KIAA0319: variants seen among roughly 807,000 people sequenced by gnomAD.
KIAA0319 encodes dyslexia-associated protein KIAA0319.
In KIAA0319, 83 loss-of-function variants were observed where a neutral mutation model predicts 108.4. The observed-to-expected ratio is 0.77, with a 90% CI of 0.64 to 0.92. The LOEUF (loss-of-function observed/expected upper bound fraction) is 0.92. Among genes scored for constraint, KIAA0319 ranks in the 40% least tolerant of loss-of-function variants. The pLI is 0.00. For synonymous variants in KIAA0319, 484 were observed against 510.4 expected, an observed-to-expected ratio of 0.95 and a Z score of 0.70; for missense variants, 1,195 against 1,322.4, an observed-to-expected ratio of 0.90 and a Z score of 1.49.
chr6:24,572,723 A>C lies in KIAA0319; in HGVS notation c.1735-25T>G, dbSNP rs3747777. The C allele has an allele frequency of 3.7e-3, 5,929 of 1,581,196 alleles. 78 individuals carry two copies. The African/African-American group carries it at 0.038, about 10-fold the overall frequency. ...CCTAAGTAATAGCAAATACAAAAAT[A>C]AAAACAAAACAAAACAAAAAAGTAA... On this transcript the variant is annotated intron_variant, in intron 10 of 20. Coordinates refer to ENST00000378214, the MANE Select transcript of KIAA0319 (RefSeq NM_014809.4).
Position 24,579,883 on chromosome 6 carries a change from C to A in KIAA0319, c.1347G>T (p.Leu449Phe). The A allele has an allele frequency of 1.9e-6, 3 of 1,604,612 alleles. No individual in the cohort carries two copies. Among genetic ancestry groups the A allele is most frequent in the South Asian group, 2.2e-5 (2 of 89,058 alleles). ...GGCTGCCATCAATGAGGGCTGACGT[C>A]AAAGGCAAAGTGAGCTCTTGCAGTT... ...SPQLQELTLP[L>F]TSALIDGSQS... is the part of the protein sequence containing the mutation. Residue 449 changes from leucine (L) to phenylalanine (F), a missense_variant, in exon 8 of 21, where the codon TTG (leucine) becomes TTT (phenylalanine). Leu to Phe is a conservative substitution (Grantham distance 22). Transcript: ENST00000378214.
At position 24,547,337 on chromosome 6, in the gene KIAA0319, T is replaced by C. The variant is rs372602681; in HGVS notation, c.3047A>G (p.Lys1016Arg). 1.5e-5 allele frequency: 24 copies of C among 1,613,928 alleles called. No homozygotes were observed. The highest frequency in any genetic ancestry group is 2.0e-5 in the Non-Finnish European group (24 of 1,179,838). ...GGAGTTGTGCTCTGTGCTTCGGTGC[T>C]TGATACCTAGAGAGAAGCACAGAAG... The part of the protein sequence containing the change: ...RMELRPKYGI[K>R]HRSTEHNSSL... The change falls in exon 21 of 21, where the codon AAG (lysine) becomes AGG (arginine). Residue 1016 changes from lysine to arginine, a missense_variant. Physicochemically the swap from Lys to Arg is conservative, Grantham distance 26. Transcript: ENST00000378214.
chr6:24,542,301 A>C (rs1430641703), downstream of KIAA0319, among the ~76,000 whole-genome samples: 1 of 152,226 alleles, frequency 6.6e-6, no homozygotes, highest in Non-Finnish European at 1.5e-5. Context: ...AATTAGTTTA[A>C]CTACAATACC....
At chr6:24,605,330 AC>A (rs141291257) in intron 1 of KIAA0319, among the ~76,000 whole-genome samples, 4,655 of 152,156 alleles carry the variant, frequency 0.031, 95 homozygotes, top group Middle Eastern at 0.058. Flanking sequence ...TCACTGTGGC[AC>A]CCCCACCCTC....
rs867760699 is a variant in KIAA0319 at position 24,596,151 on chromosome 6, C to T, written c.523G>A (p.Glu175Lys). Residue 175 changes from glutamate to lysine, a missense_variant, in exon 3 of 21, where the codon GAG (glutamate) becomes AAG (lysine). Glu to Lys is a moderately conservative substitution (Grantham distance 56). Transcript: ENST00000378214. The part of the protein sequence containing the change: ...KDLLQPSGKQ[E>K]PRGSAEYTDW... ...GTGTACTCGGCACTCCCTCTGGGCT[C>T]CTGCTTGCCACTGGGTTGCAAGAGG... 2 of 1,614,134 alleles carry T rather than the reference C, an allele frequency of 1.2e-6. No individual in the cohort carries two copies. Among genetic ancestry groups the T allele is most frequent in the Admixed American group, 1.7e-5 (1 of 60,030 alleles).
At chr6:24,549,326 C>CAA (rs35975247) in intron 20 of KIAA0319, among the ~76,000 whole-genome samples, 65,612 of 115,122 alleles carry the variant, frequency 0.57, 19,547 homozygotes, top group Non-Finnish European at 0.68. Context: ...ACTCTGTCTC[C>CAA]AAAAAAAAAA....
In KIAA0319 at chr6:24,566,666, T is replaced by A. The variant is rs1212228647; in HGVS notation, c.2223A>T (p.Ser741=). Residue 741 remains serine, a synonymous_variant, in exon 14 of 21, where the codon TCA becomes TCT. Coordinates refer to ENST00000378214, the MANE Select transcript of KIAA0319 (RefSeq NM_014809.4). ...LPNNSITLDG[S]RSTDDQRIVS... ...CAATTCTTTGGTCATCAGTAGACCTTGAACCATCCAAAGTAATGGAATTAT... is the reference window on the plus strand; with the variant it reads ...CAATTCTTTGGTCATCAGTAGACCTAGAACCATCCAAAGTAATGGAATTAT... The A allele has an allele frequency of 6.2e-7, 1 of 1,613,652 alleles. No homozygotes were observed. Among genetic ancestry groups the A allele is most frequent in the Non-Finnish European group, 8.5e-7 (1 of 1,179,830 alleles).
intron 11 of KIAA0319, among the ~76,000 whole-genome samples, chr6:24,572,206 T>C (rs1764822237): frequency 6.6e-6 from 1 of 152,204 alleles, no homozygotes; most frequent in Non-Finnish European, 1.5e-5. Flanking sequence ...CATGAAACTA[T>C]TAATGAACAG....
chr6:24,568,820 G>A lies in KIAA0319; in HGVS notation c.2101C>T (p.Leu701=). ...FRLTVKDQQG[L]SSTSTLTVAV... ...ACAGTGAGGGTGGACGTGCTGCTCA[G>A]TCCCTGCTGGTCTTTCACTGTCAAA... The change falls in exon 13 of 21, where the codon CTG becomes TTG. Residue 701 remains leucine, a synonymous_variant. Transcript: ENST00000378214. 3 of 1,614,182 alleles carry A rather than the reference G, an allele frequency of 1.9e-6. No homozygotes were observed. The highest frequency in any genetic ancestry group is 3.3e-5 in the Admixed American group (2 of 60,030).
chr6:24,569,561 G>A (rs778447659), intron 12 of KIAA0319, among the ~76,000 whole-genome samples: 1 of 152,126 alleles, frequency 6.6e-6, no homozygotes, highest in Non-Finnish European at 1.5e-5. Flanking sequence ...GATATGGGTC[G>A]CCCCTTACAC....
downstream of KIAA0319, among the ~76,000 whole-genome samples, chr6:24,541,215 G>A (rs577664234): frequency 3.9e-5 from 6 of 152,028 alleles, no homozygotes; most frequent in African/African-American, 7.2e-5. Flanking sequence ...TCAAGGTGTC[G>A]GCAGGTTTGG....
intron 3 of KIAA0319, among the ~76,000 whole-genome samples, chr6:24,593,249 A>T (rs1342067268): frequency 6.6e-6 from 1 of 152,116 alleles, no homozygotes; most frequent in African/African-American, 2.4e-5. Context: ...TAACCTATGA[A>T]TGTGCCTGTT....
chr6:24,623,453 G>A (rs980100662), intron 1 of KIAA0319, among the ~76,000 whole-genome samples: 2 of 152,076 alleles, frequency 1.3e-5, no homozygotes, highest in Non-Finnish European at 2.9e-5. Flanking sequence ...GTACAAGCAG[G>A]CAAGCAGGAT....
At chr6:24,626,864 AAG>A (rs1774790000) in intron 1 of KIAA0319, among the ~76,000 whole-genome samples, 1 of 152,196 alleles carries the variant, frequency 6.6e-6, no homozygotes, top group Non-Finnish European at 1.5e-5. Context: ...AATGATGAAA[AAG>A]AGAATTTCCA....
chr6:24,564,739 T>C (rs1045486239), intron 14 of KIAA0319, among the ~76,000 whole-genome samples: 1 of 152,234 alleles, frequency 6.6e-6, no homozygotes, highest in African/African-American at 2.4e-5. Flanking sequence ...CCTCATAATG[T>C]ATCATGTTCA....
downstream of KIAA0319, among the ~76,000 whole-genome samples, chr6:24,541,794 T>A (rs1170179554): frequency 6.6e-6 from 1 of 152,112 alleles, no homozygotes; most frequent in African/African-American, 2.4e-5. Flanking sequence ...TGAGACTCCA[T>A]CTCAAAAATA....
intron 1 of KIAA0319, among the ~76,000 whole-genome samples, chr6:24,621,070 T>C (rs1482381522): frequency 6.6e-6 from 1 of 152,192 alleles, no homozygotes; most frequent in Non-Finnish European, 1.5e-5. Context: ...ATCCTGCTCA[T>C]CCTCCCATCA....
At chr6:24,559,671 AAAAT>A (rs1465824529) in intron 16 of KIAA0319, among the ~76,000 whole-genome samples, 1 of 147,880 alleles carries the variant, frequency 6.8e-6, no homozygotes, top group East Asian at 1.9e-4. Context: ...AAATATACAC[AAAAT>A]AACTTGCAGA....
chr6:24,553,288 T>TACACAC, intron 19 of KIAA0319, among the ~76,000 whole-genome samples: 1 of 82,170 alleles, frequency 1.2e-5, no homozygotes, highest in East Asian at 2.4e-4. Context: ...TATATATATA[T>TACACAC]ATATATACAC....
Sources: gnomAD v4.1 joint callset for allele counts (sites outside exome capture counted in the v4.1 genomes callset) on GRCh38, gnomAD v4.1.1 for gene constraint, MANE v1.5 for transcripts, NCBI Gene and HGNC (gene_info 2026-07-23, HGNC 2026-07-21) for gene names.